EP400: variants seen among roughly 807,000 people sequenced by gnomAD.
EP400 encodes E1A binding protein p400, also known as E1A-binding protein p400.
EP400 carries 105 observed loss-of-function variants against 354.1 expected under a neutral mutation model. The observed-to-expected ratio is 0.30, with a 90% confidence interval of 0.25 to 0.35. EP400 has a LOEUF of 0.35. EP400 is among the 10% of genes least tolerant of loss of function. EP400 has a pLI of 1.00. For missense variants in EP400, 3,280 were observed against 4,121.0 expected, an observed-to-expected ratio of 0.80 and a Z score of 5.59; for synonymous variants, 1,646 against 1,716.9, an observed-to-expected ratio of 0.96 and a Z score of 1.02.
At chr12:132,048,194 CA>C (rs1449484825) in intron 39 of EP400, among the ~76,000 whole-genome samples, 1 of 152,064 alleles carries the variant, frequency 6.6e-6, no homozygotes, top group Non-Finnish European at 1.5e-5. Context: ...CCTCAGCTTA[CA>C]AAGATGATGG....
intron 39 of EP400, 76 bp downstream of exon 39, chr12:132,045,976 G>A: frequency 1.3e-6 from 2 of 1,539,852 alleles, no homozygotes; most frequent in Non-Finnish European, 1.8e-6. Flanking sequence ...TTCAGCTCCA[G>A]TCCTGCTCTT....
chr12:132,019,930 G>A, intron 21 of EP400, 119 bp from the exon 22 acceptor site: 1 of 1,088,860 alleles, frequency 9.2e-7, no homozygotes, highest in Non-Finnish European at 1.3e-6. Context: ...CTGCACTCTG[G>A]GTGCTGGTCC....
At chr12:132,076,481 G>A (rs1165416944) in intron 51 of EP400, 35 bp from the exon 52 acceptor site, 4 of 1,605,176 alleles carry the variant, frequency 2.5e-6, no homozygotes, top group African/African-American at 1.3e-5. Context: ...ATACTCCTTT[G>A]AATTGTATGT....
intron 51 of EP400, among the ~76,000 whole-genome samples, chr12:132,071,689 G>T (rs1369853734): frequency 6.6e-6 from 1 of 152,120 alleles, no homozygotes; most frequent in Non-Finnish European, 1.5e-5. Flanking sequence ...GGGGGTGTGG[G>T]GGTGTGGATG....
Position 132,017,651 on chromosome 12 carries a change from A to G in EP400, c.4040A>G (p.Tyr1347Cys), listed in dbSNP as rs771799901. ...LVEPRHPGSSYVAGPLEYPSA... is the reference protein window; with the variant it reads ...LVEPRHPGSSCVAGPLEYPSA... ...GAGCCCCGGCACCCAGGCTCTTCCT[A>G]CGTGGCGGGGCCACTGGAGTATCCG... The change falls in exon 20 of 53, where the codon TAC becomes TGC. Residue 1347 changes from tyrosine to cysteine, a missense_variant. Tyr to Cys is a radical substitution (Grantham distance 194). Coordinates refer to ENST00000389561, the MANE Select transcript of EP400 (RefSeq NM_015409.5). This position sits in a 1 kb window ranked among gnomAD's most constrained non-coding sequence, Gnocchi z 5.0. The G allele has an allele frequency of 3.7e-6, 6 of 1,602,690 alleles. No homozygotes were observed. The African/African-American group carries it at 5.4e-5, about 14-fold the overall frequency.
At chr12:131,960,150 C>T (rs1891830438) in intron 1 of EP400, among the ~76,000 whole-genome samples, 1 of 152,220 alleles carries the variant, frequency 6.6e-6, no homozygotes, top group Admixed American at 6.5e-5. Context: ...TGAATGTTGG[C>T]TTCAGACCTT....
Position 132,064,748 on chromosome 12 carries a change from G to T in EP400, c.8415G>T (p.Pro2805=). Residue 2805 remains proline (P), a synonymous_variant, in exon 48 of 53, where the codon CCG becomes CCT. Transcript: ENST00000389561. ...CGCCACAGGCCCAGTCTGCGCCCCC[G>T]CAGCCAACAGCCCAAGTGCAAGTGC... The part of the protein sequence containing the change: ...PPPPQAQSAP[P]QPTAQVQVQT... The T allele has an allele frequency of 1.2e-6, 2 of 1,613,610 alleles. No homozygotes were observed. Among genetic ancestry groups the T allele is most frequent in the Non-Finnish European group, 1.7e-6 (2 of 1,179,930 alleles).
intron 2 of EP400, among the ~76,000 whole-genome samples, chr12:131,976,497 A>G (rs1593319765): frequency 6.6e-6 from 1 of 152,138 alleles, no homozygotes; most frequent in African/African-American, 2.4e-5. Context: ...GTGGATCACA[A>G]GGTCAGGAGT....
At chr12:131,962,661 G>A (rs1891931252) in intron 2 of EP400, among the ~76,000 whole-genome samples, 1 of 152,174 alleles carries the variant, frequency 6.6e-6, no homozygotes, top group African/African-American at 2.4e-5. Context: ...CTTTTTGGGT[G>A]CCTGGAATGG....
At chr12:131,979,557 T>C in intron 2 of EP400, 137 bp from the exon 3 acceptor site, 1 of 649,712 alleles carries the variant, frequency 1.5e-6, no homozygotes, top group African/African-American at 1.9e-5. Context: ...ACATGTATAT[T>C]TAAAGACACG....
chr12:132,006,541 G>C (rs1450457801), intron 14 of EP400, among the ~76,000 whole-genome samples, 159 bp from the exon 15 acceptor site: 1 of 152,180 alleles, frequency 6.6e-6, no homozygotes. Flanking sequence ...AGCGAGACTC[G>C]ATCTCCAAAA....
rs1032546156 is a variant in EP400, at chr12:132,067,088, C to T, written c.8749+119C>T. The stretch of plus-strand genomic sequence containing the variant: ...CTCACACCCACCCACTTGAGCGTGC[C>T]ATCACGTGTTCTAGCACAAACGTGC... On this transcript the variant is annotated intron_variant, in intron 49 of 52. Coordinates refer to ENST00000389561, the MANE Select transcript of EP400 (RefSeq NM_015409.5). The surrounding 1 kb of genome is among the most constrained non-coding windows in gnomAD (Gnocchi z 5.3). 3 of 1,312,322 alleles carry T rather than the reference C, an allele frequency of 2.3e-6. No individual in the cohort carries two copies. Among genetic ancestry groups the T allele is most frequent in the African/African-American group, 3.0e-5 (2 of 66,828 alleles). 81.3% of individuals were successfully genotyped at this position (1,312,322 alleles called of 1,614,324 possible).
Position 132,005,124 on chromosome 12 carries a change from C to T in EP400, c.2875C>T (p.Leu959=). 2 of 1,590,350 alleles carry T rather than the reference C, an allele frequency of 1.3e-6. No homozygotes were observed. Among genetic ancestry groups the T allele is most frequent in the Middle Eastern group, 1.7e-4 (1 of 6,036 alleles). The part of the protein sequence containing the change: ...DLMKLYEGAF[L]PSSQWPRPKP... ...GATGAAGCTGTACGAAGGCGCCTTC[C>T]TGCCGAGTTCTCAGTGGCCCCGGCC... Residue 959 remains leucine (L), a synonymous_variant, in exon 13 of 53, where the codon CTG becomes TTG. Coordinates refer to ENST00000389561, the MANE Select transcript of EP400 (RefSeq NM_015409.5).
At position 131,960,759 on chromosome 12, in the gene EP400, G is replaced by T; in HGVS notation, c.140G>T (p.Ser47Ile). The T allele has an allele frequency of 7.5e-7, 1 of 1,334,944 alleles. No individual in the cohort carries two copies. The highest frequency in any genetic ancestry group is 1.2e-5 in the South Asian group (1 of 84,692). The allele number at this position is 1,334,944 out of a possible 1,614,324, so 82.7% of individuals were successfully genotyped here. Residue 47 changes from serine to isoleucine, a missense_variant, in exon 2 of 53, where the codon AGC becomes ATC. By Grantham distance (142) the Ser-to-Ile change is moderately radical. Around this residue, in one of 20 missense-constraint regions of EP400, gnomAD observed 172 missense variants for 242.9 expected, o/e 0.71. Transcript: ENST00000389561. ...GCAGCTCCCTTCGCTCCCTCAGCAA[G>T]CCCGTCGGCACCCCAGTCTCCCAGT... ...SPAAPFAPSA[S>I]PSAPQSPSYQ...
intron 1 of EP400, among the ~76,000 whole-genome samples, chr12:131,958,321 T>C (rs370224704): frequency 6.6e-6 from 1 of 152,222 alleles, no homozygotes; most frequent in South Asian, 2.1e-4. Context: ...GGTGTCTCTG[T>C]GGCCTTGCTC....
At chr12:132,045,126 C>T (rs1391304995) in intron 37 of EP400, among the ~76,000 whole-genome samples, 173 bp downstream of exon 37, 1 of 152,226 alleles carries the variant, frequency 6.6e-6, no homozygotes, top group African/African-American at 2.4e-5. Flanking sequence ...ATGTTGTTTC[C>T]AGTGAGGAAA....
chr12:131,951,162 C>T (rs1349566963), intron 1 of EP400, among the ~76,000 whole-genome samples: 1 of 150,998 alleles, frequency 6.6e-6, no homozygotes, highest in East Asian at 1.9e-4. Flanking sequence ...GTGATCCGCC[C>T]CCTTGGCCTC....
chr12:131,950,477 G>A (rs1169807474), intron 1 of EP400, among the ~76,000 whole-genome samples: 1 of 152,166 alleles, frequency 6.6e-6, no homozygotes, highest in East Asian at 1.9e-4. Flanking sequence ...TGCGGGGATG[G>A]GACGTCCAGA....
chr12:131,963,386 T>G, intron 2 of EP400: 1 of 631,554 alleles, frequency 1.6e-6, no homozygotes, highest in South Asian at 1.9e-5. Flanking sequence ...ATCTGTCAGT[T>G]CAGTATCCTT....
Sources: allele counts gnomAD v4.1 joint callset (sites outside exome capture counted in the v4.1 genomes callset), GRCh38; gene constraint gnomAD v4.1.1; regional missense constraint gnomAD v4.1.1; non-coding constraint Gnocchi (gnomAD v3.1); transcripts MANE v1.5; gene names NCBI Gene and HGNC (gene_info 2026-07-23, HGNC 2026-07-21).